Variants in EPHA6 observed in about 807,000 individuals in gnomAD.
The protein encoded by EPHA6 is ephrin type-A receptor 6.
EPHA6 carries 50 observed loss-of-function variants against 112.0 expected under a neutral mutation model. The ratio of observed to expected loss-of-function variants is 0.45; its 90% confidence interval spans 0.36 to 0.56. The LOEUF is 0.56. EPHA6 is among the 20% of genes least tolerant of loss of function. The pLI is 0.00. For missense variants in EPHA6, 1,280 were observed against 1,417.4 expected (o/e 0.90, Z 1.56); for synonymous variants, 529 against 490.7 (o/e 1.08, Z -1.03).
intron 3 of EPHA6, among the ~76,000 whole-genome samples, chr3:96,991,035 G>A (rs554773901): frequency 6.6e-6 from 1 of 151,836 alleles, no homozygotes. Flanking sequence ...TGTCACCCAG[G>A]CTGGAGTGCA....
At chr3:97,611,936 A>G (rs190892698) in intron 13 of EPHA6, among the ~76,000 whole-genome samples, 4 of 151,976 alleles carry the variant, frequency 2.6e-5, no homozygotes, top group Admixed American at 1.3e-4. Context: ...CAGTGATGAT[A>G]TATTTATACT....
intron 6 of EPHA6, among the ~76,000 whole-genome samples, chr3:97,442,459 G>A (rs776552114): frequency 3.3e-5 from 5 of 151,998 alleles, no homozygotes; most frequent in Non-Finnish European, 7.4e-5. Flanking sequence ...GGTGGCACGT[G>A]CCTGTAGTCA....
chr3:97,342,039 A>T (rs2083330665), intron 5 of EPHA6, among the ~76,000 whole-genome samples: 1 of 152,212 alleles, frequency 6.6e-6, no homozygotes, highest in Admixed American at 6.5e-5. Context: ...AGAGAGGAAT[A>T]GCAGGATATA....
At chr3:96,993,234 A>G (rs2043280137) in intron 3 of EPHA6, among the ~76,000 whole-genome samples, 1 of 152,062 alleles carries the variant, frequency 6.6e-6, no homozygotes, top group Non-Finnish European at 1.5e-5. Flanking sequence ...TGTTAGATTG[A>G]GAACAAAGCC....
intron 3 of EPHA6, among the ~76,000 whole-genome samples, chr3:97,013,165 T>A (rs2044149902): frequency 6.6e-6 from 1 of 152,172 alleles, no homozygotes; most frequent in Non-Finnish European, 1.5e-5. Flanking sequence ...TCATAAATTC[T>A]TTCTCAAGTC....
chr3:97,682,723 T>C (rs993770276), intron 14 of EPHA6, among the ~76,000 whole-genome samples: 1 of 152,178 alleles, frequency 6.6e-6, no homozygotes, highest in African/African-American at 2.4e-5. Context: ...CCGTGCACAG[T>C]ATATATGTCA....
chr3:97,547,648 C>G (rs1319394121), intron 11 of EPHA6, among the ~76,000 whole-genome samples: 1 of 152,186 alleles, frequency 6.6e-6, no homozygotes, highest in Non-Finnish European at 1.5e-5. Flanking sequence ...TGTCTGTGCC[C>G]TGCCCCCAGA....
chr3:96,922,195 G>T (rs1176738186), intron 2 of EPHA6, among the ~76,000 whole-genome samples: 3 of 152,188 alleles, frequency 2.0e-5, no homozygotes, highest in African/African-American at 4.8e-5. Context: ...TTTCTGGTTA[G>T]CCAGATGGTT....
chr3:97,750,257 T>C lies in EPHA6; in HGVS notation c.*1556T>C, dbSNP rs536875103. Among the ~76,000 whole-genome samples, 37 of 152,058 alleles carry C rather than the reference T, an allele frequency of 2.4e-4. No individual in the cohort carries two copies. In the South Asian group the frequency reaches 7.7e-3, roughly 32 times the overall value. ...ATAATGGTGCCCTACCTACCCTAAT[T>C]CTCAAATTCCTATCTAAATTCATTT... is the stretch of plus-strand genomic sequence containing the variant. On this transcript the variant is annotated 3_prime_UTR_variant, in exon 18 of 18. Coordinates refer to ENST00000389672, the MANE Select transcript of EPHA6 (RefSeq NM_001080448.3).
At chr3:97,551,571 T>C (rs2107086527) in intron 11 of EPHA6, among the ~76,000 whole-genome samples, 1 of 152,276 alleles carries the variant, frequency 6.6e-6, no homozygotes, top group South Asian at 2.1e-4. Context: ...TCTTTTGAAA[T>C]AGGTTTAGTT....
At chr3:97,520,125 G>A (rs537721568) in intron 10 of EPHA6, among the ~76,000 whole-genome samples, 21 of 151,866 alleles carry the variant, frequency 1.4e-4, no homozygotes, top group South Asian at 4.2e-4. Flanking sequence ...CCGCCACCAC[G>A]CCCAGCTAAT....
At chr3:96,939,074 G>T (rs186397542) in intron 2 of EPHA6, among the ~76,000 whole-genome samples, 2,064 of 151,972 alleles carry the variant, frequency 0.014, 50 homozygotes, top group African/African-American at 0.046. Flanking sequence ...TCTCTTTTTT[G>T]GTTGTGTCTC....
chr3:96,964,589 C>T (rs2042056520), intron 2 of EPHA6, among the ~76,000 whole-genome samples: 1 of 152,036 alleles, frequency 6.6e-6, no homozygotes, highest in Non-Finnish European at 1.5e-5. Context: ...GCTAGGAGTA[C>T]ATTGACTGTT....
intron 15 of EPHA6, among the ~76,000 whole-genome samples, chr3:97,727,963 C>T (rs1014405194): frequency 6.6e-6 from 1 of 151,992 alleles, no homozygotes; most frequent in East Asian, 1.9e-4. Flanking sequence ...ATTTTTTTAA[C>T]TGAATGACCA....
intron 5 of EPHA6, among the ~76,000 whole-genome samples, chr3:97,261,100 G>A (rs1172730338): frequency 6.6e-6 from 1 of 152,126 alleles, no homozygotes; most frequent in African/African-American, 2.4e-5. Flanking sequence ...TACCTAAACA[G>A]GATACCCAGA....
chr3:97,716,292 G>A (rs1427591000), intron 14 of EPHA6, among the ~76,000 whole-genome samples: 1 of 146,846 alleles, frequency 6.8e-6, no homozygotes, highest in Non-Finnish European at 1.5e-5. Flanking sequence ...AGATGGGCCG[G>A]GCGCGGTGGC....
At chr3:96,897,712 A>G (rs561578279) in intron 2 of EPHA6, among the ~76,000 whole-genome samples, 1 of 152,344 alleles carries the variant, frequency 6.6e-6, no homozygotes, top group South Asian at 2.1e-4. Context: ...GGTGCTAACT[A>G]AAATTAAAGT....
chr3:97,249,262 C>G (rs2079067104), intron 5 of EPHA6, among the ~76,000 whole-genome samples: 1 of 152,058 alleles, frequency 6.6e-6, no homozygotes. Context: ...ATATTTCTGT[C>G]TTCAACAAAA....
At chr3:97,119,511 C>T (rs2047984463) in intron 3 of EPHA6, among the ~76,000 whole-genome samples, 2 of 151,776 alleles carry the variant, frequency 1.3e-5, no homozygotes, top group Non-Finnish European at 2.9e-5. Context: ...AATGCAGTCT[C>T]AAAAATCAAA....
Sources: gnomAD v4.1 joint callset for allele counts (sites outside exome capture counted in the v4.1 genomes callset) on GRCh38, gnomAD v4.1.1 for gene constraint, MANE v1.5 for transcripts, NCBI Gene and HGNC (gene_info 2026-07-23, HGNC 2026-07-21) for gene names.